The following LTB4R variants were observed in gnomAD, a reference collection of about 807,000 sequenced individuals.
The protein encoded by LTB4R is leukotriene B4 receptor 1.
For missense variants in LTB4R, 470 were observed against 485.6 expected (o/e 0.97, Z 0.30); for synonymous variants, 250 against 230.7 (o/e 1.08, Z -0.76).
Position 24,316,017 on chromosome 14 carries a change from C to T in LTB4R, c.366C>T (p.Pro122=). 6.2e-7 allele frequency: 1 copy of T among 1,613,894 alleles called. No individual in the cohort carries two copies. The highest frequency in any genetic ancestry group is 1.1e-5 in the South Asian group (1 of 91,086). The part of the protein sequence containing the change: ...SLDRSLAVAR[P]FVSQKLRTKA... ...ACCGCTCACTGGCGGTGGCCCGCCC[C>T]TTTGTGTCCCAGAAGCTACGCACCA... Residue 122 remains proline (P), a synonymous_variant, in exon 2 of 2, where the codon CCC becomes CCT. Transcript: ENST00000345363.
intron 1 of LTB4R, chr14:24,314,062 C>G (rs1306709276): frequency 1.3e-5 from 2 of 152,238 alleles, no homozygotes; most frequent in African/African-American, 4.8e-5. Flanking sequence ...AGCCTGCCAG[C>G]TCGGCCTCAA....
rs771355497 is a variant in LTB4R, at chr14:24,316,316, T to A, written c.665T>A (p.Leu222Gln). ...CGCCGCAGCCGCCGCACCGGCCGCC[T>A]GGTGGTGCTCATCATCCTGACCTTC... is the stretch of plus-strand genomic sequence containing the variant. ...RFRRSRRTGR[L>Q]VVLIILTFAA... Residue 222 changes from leucine to glutamine, a missense_variant, in exon 2 of 2, where the codon CTG (leucine) becomes CAG (glutamine). Coordinates refer to ENST00000345363, the MANE Select transcript of LTB4R (RefSeq NM_001143919.3). 4 of 1,601,628 alleles carry A rather than the reference T, an allele frequency of 2.5e-6. No homozygotes were observed. The highest frequency in any genetic ancestry group is 3.4e-6 in the Non-Finnish European group (4 of 1,175,640).
At position 24,316,257 on chromosome 14, in the gene LTB4R, G is replaced by C. The variant is rs775768794; in HGVS notation, c.606G>C (p.Ser202=). Residue 202 remains serine (S), a synonymous_variant, in exon 2 of 2, where the codon TCG becomes TCC. Transcript: ENST00000345363. Reference sequence around the variant, plus strand: ...TCCTGGCTGTGGTGGCCAGCTACTCGGACATAGGGCGTCGGCTACAGGCCC... The same window carrying C: ...TCCTGGCTGTGGTGGCCAGCTACTCCGACATAGGGCGTCGGCTACAGGCCC... The part of the protein sequence containing the change: ...LPFLAVVASY[S]DIGRRLQARR... 6.2e-7 allele frequency: 1 copy of C among 1,612,750 alleles called. No individual in the cohort carries two copies. Among genetic ancestry groups the C allele is most frequent in the Non-Finnish European group, 8.5e-7 (1 of 1,179,888 alleles).
intron 1 of LTB4R, among the ~76,000 whole-genome samples, chr14:24,313,081 A>G (rs1041958723): frequency 6.6e-6 from 1 of 152,210 alleles, no homozygotes; most frequent in Non-Finnish European, 1.5e-5. Context: ...TGTGAACTAG[A>G]ACAGCAGGGA....
chr14:24,316,602 C>T lies in LTB4R; in HGVS notation c.951C>T (p.Arg317=). The change falls in exon 2 of 2, where the codon CGC becomes CGT. Residue 317 remains arginine, a synonymous_variant. Transcript: ENST00000345363. ...GCTCCGAGGCGTCCAGCACGCGCCG[C>T]GGGGGCAGCCTGGGCCAGACCGCTA... is the stretch of plus-strand genomic sequence containing the variant. ...GTGSEASSTR[R]GGSLGQTARS... is the part of the protein sequence containing the mutation. 1.4e-6 allele frequency: 2 copies of T among 1,467,322 alleles called. No homozygotes were observed. The highest frequency in any genetic ancestry group is 1.8e-6 in the Non-Finnish European group (2 of 1,115,884). The allele number at this position is 1,467,322 out of a possible 1,614,324, so 90.9% of individuals were successfully genotyped here. A position where few individuals can be genotyped will look rare whatever the true frequency, so the allele number is the denominator to read the frequency against.
In LTB4R at chr14:24,316,266, G is replaced by T; in HGVS notation, c.615G>T (p.Gly205=). The change falls in exon 2 of 2, where the codon GGG becomes GGT. Residue 205 remains glycine, a synonymous_variant. Transcript: ENST00000345363. ...TGGTGGCCAGCTACTCGGACATAGG[G>T]CGTCGGCTACAGGCCCGGCGCTTCC... ...LAVVASYSDI[G]RRLQARRFRR... The T allele has an allele frequency of 6.2e-7, 1 of 1,612,198 alleles. No homozygotes were observed. The highest frequency in any genetic ancestry group is 2.2e-5 in the East Asian group (1 of 44,872).
At chr14:24,312,496 C>T (rs141831502) in intron 1 of LTB4R, among the ~76,000 whole-genome samples, 4 of 152,222 alleles carry the variant, frequency 2.6e-5, no homozygotes, top group Admixed American at 6.5e-5. Flanking sequence ...GGCCACCTGA[C>T]GTGAAAAGGA....
rs1437230001 is a variant in LTB4R at position 24,316,619 on chromosome 14, A to G, written c.968A>G (p.Gln323Arg). 1.3e-6 allele frequency: 2 copies of G among 1,499,172 alleles called. No homozygotes were observed. Among genetic ancestry groups the G allele is most frequent in the South Asian group, 1.3e-5 (1 of 79,592 alleles). 92.9% of individuals were successfully genotyped at this position (1,499,172 alleles called of 1,614,324 possible). A position where few individuals can be genotyped will look rare whatever the true frequency, so the allele number is the denominator to read the frequency against. Residue 323 changes from glutamine (Q) to arginine (R), a missense_variant, in exon 2 of 2, where the codon CAG (glutamine) becomes CGG (arginine). Physicochemically the swap from Gln to Arg is conservative, Grantham distance 43. Coordinates refer to ENST00000345363, the MANE Select transcript of LTB4R (RefSeq NM_001143919.3). The stretch of plus-strand genomic sequence containing the variant: ...ACGCGCCGCGGGGGCAGCCTGGGCC[A>G]GACCGCTAGGAGCGGCCCCGCCGCT... ...SSTRRGGSLG[Q>R]TARSGPAALE...
intron 1 of LTB4R, among the ~76,000 whole-genome samples, chr14:24,313,092 G>A (rs942162500): frequency 6.6e-6 from 1 of 152,186 alleles, no homozygotes; most frequent in African/African-American, 2.4e-5. Flanking sequence ...ACAGCAGGGA[G>A]TATGCTTAGA....
Position 24,318,004 on chromosome 14 carries a change from G to A in LTB4R, c.*1294G>A, listed in dbSNP as rs752161207. 3.3e-5 allele frequency: 7 copies of A among 211,132 alleles called. No homozygotes were observed. The highest frequency in any genetic ancestry group is 4.7e-5 in the African/African-American group (2 of 42,658). The allele number at this position is 211,132 out of a possible 1,614,324, so 13.1% of individuals were successfully genotyped here. On this transcript the variant is annotated 3_prime_UTR_variant, in exon 2 of 2. Transcript: ENST00000345363. ...AATAGGTACTTATTTAGTGTTTGTC[G>A]AATTAATAAAGTTCAAATGACATTT... is the stretch of plus-strand genomic sequence containing the variant.
chr14:24,316,007 T>C lies in LTB4R; in HGVS notation c.356T>C (p.Val119Ala), dbSNP rs777239231. The C allele has an allele frequency of 1.9e-6, 3 of 1,613,566 alleles. No homozygotes were observed. The African/African-American group carries it at 4.0e-5, about 22-fold the overall frequency. The change falls in exon 2 of 2, where the codon GTG becomes GCG. Residue 119 changes from valine (V) to alanine (A), a missense_variant. Physicochemically the swap from Val to Ala is moderately conservative, Grantham distance 64. Coordinates refer to ENST00000345363, the MANE Select transcript of LTB4R (RefSeq NM_001143919.3). The stretch of plus-strand genomic sequence containing the variant: ...ATGAGTCTAGACCGCTCACTGGCGG[T>C]GGCCCGCCCCTTTGTGTCCCAGAAG... ...TAMSLDRSLA[V>A]ARPFVSQKLR... is the part of the protein sequence containing the mutation.
intron 1 of LTB4R, among the ~76,000 whole-genome samples, chr14:24,312,222 A>G (rs1293893812): frequency 6.6e-6 from 1 of 152,224 alleles, no homozygotes; most frequent in Non-Finnish European, 1.5e-5. Context: ...TCTGGAAATA[A>G]AGGAGAAAAT....
At chr14:24,315,472 C>G (rs1363943128) in intron 1 of LTB4R, among the ~76,000 whole-genome samples, 165 bp from the exon 2 acceptor site, 1 of 152,138 alleles carries the variant, frequency 6.6e-6, no homozygotes, top group Non-Finnish European at 1.5e-5. Flanking sequence ...TCAACCAGAT[C>G]CCTTTAAGTT....
Position 24,317,115 on chromosome 14 carries a change from T to G in LTB4R, c.*405T>G. 5.5e-6 allele frequency: 1 copy of G among 183,078 alleles called. No individual in the cohort carries two copies. The highest frequency in any genetic ancestry group is 1.3e-5 in the Non-Finnish European group (1 of 78,650). The allele number at this position is 183,078 out of a possible 1,614,324, so 11.3% of individuals were successfully genotyped here. On this transcript the variant is annotated 3_prime_UTR_variant, in exon 2 of 2. Transcript: ENST00000345363. ...CCCATCCCAGATGATTCCGAGTACA[T>G]AGTCTGCAGATAATACTTAGCAAAA...
rs958620426 is a variant in LTB4R, at chr14:24,316,760, G to C, written c.*50G>C. On this transcript the variant is annotated 3_prime_UTR_variant, in exon 2 of 2. Transcript: ENST00000345363. ...CCTCCTGGCAGAATGCTAGCTCTGAGCCAGTTCAGTACCTGGAGGAGGAGC... is the reference window on the plus strand; with the variant it reads ...CCTCCTGGCAGAATGCTAGCTCTGACCCAGTTCAGTACCTGGAGGAGGAGC... 4 of 1,424,078 alleles carry C rather than the reference G, an allele frequency of 2.8e-6. No individual in the cohort carries two copies. The highest frequency in any genetic ancestry group is 3.0e-5 in the African/African-American group (2 of 66,450). 88.2% of individuals were successfully genotyped at this position (1,424,078 alleles called of 1,614,324 possible).
At chr14:24,314,342 TG>T (rs2041751036) in intron 1 of LTB4R, 1 of 152,210 alleles carries the variant, frequency 6.6e-6, no homozygotes, top group Admixed American at 6.5e-5. Context: ...AAGGGGGTGC[TG>T]GAAGATGGCC....
In LTB4R at chr14:24,316,623, C is replaced by T. The variant is rs1594642845; in HGVS notation, c.972C>T (p.Thr324=). 1 of 1,506,898 alleles carries T rather than the reference C, an allele frequency of 6.6e-7. No individual in the cohort carries two copies. The highest frequency in any genetic ancestry group is 8.8e-7 in the Non-Finnish European group (1 of 1,130,488). The allele number at this position is 1,506,898 out of a possible 1,614,324, so 93.3% of individuals were successfully genotyped here. ...STRRGGSLGQ[T]ARSGPAALEP... The stretch of plus-strand genomic sequence containing the variant: ...GCCGCGGGGGCAGCCTGGGCCAGAC[C>T]GCTAGGAGCGGCCCCGCCGCTCTGG... The change falls in exon 2 of 2, where the codon ACC becomes ACT. Residue 324 remains threonine (T), a synonymous_variant. Coordinates refer to ENST00000345363, the MANE Select transcript of LTB4R (RefSeq NM_001143919.3).
chr14:24,315,768 GGT>G lies in LTB4R; in HGVS notation c.121_122del (p.Trp41GlufsTer203). 6.2e-7 allele frequency: 1 copy of G among 1,614,218 alleles called. No individual in the cohort carries two copies. Among genetic ancestry groups the G allele is most frequent in the Non-Finnish European group, 8.5e-7 (1 of 1,180,038 alleles). ...TGGGGCTTCCCGGCAACAGCTTTGT[GGT>G]GTGGAGTATCCTGAAAAGGATGCAG... ...AVGLPGNSFVVWSILKRMQKR... is the reference protein window; with the variant it reads ...AVGLPGNSFVXWSILKRMQKR... On this transcript the variant is annotated frameshift_variant, in exon 2 of 2. Transcript: ENST00000345363. LOFTEE classifies it low-confidence loss of function (END_TRUNC).
intron 1 of LTB4R, 58 bp downstream of exon 1, chr14:24,311,862 G>A: frequency 2.1e-6 from 2 of 947,742 alleles, no homozygotes; most frequent in South Asian, 1.8e-5. Flanking sequence ...ATCTGGCTGG[G>A]TAGGATTACT....
Sources: gnomAD v4.1 joint callset for allele counts (sites outside exome capture counted in the v4.1 genomes callset) on GRCh38, gnomAD v4.1.1 for gene constraint, MANE v1.5 for transcripts, NCBI Gene and HGNC (gene_info 2026-07-23, HGNC 2026-07-21) for gene names.